The following ARCN1 variants were observed in gnomAD, a reference collection of about 807,000 sequenced individuals.
ARCN1 encodes the protein archain 1 coat protein complex I subunit delta, also known as coatomer subunit delta.
In ARCN1, 5 loss-of-function variants were observed where a neutral mutation model predicts 60.4. The observed-to-expected ratio is 0.08, with a 90% CI of 0.04 to 0.17. ARCN1 has a LOEUF of 0.17. Ranked by LOEUF, ARCN1 falls within the 10% of genes least tolerant of loss-of-function variation. The pLI is 1.00. For missense variants in ARCN1, 464 were observed against 626.5 expected, an observed-to-expected ratio of 0.74 and a Z score of 2.77; for synonymous variants, 224 against 220.0, an observed-to-expected ratio of 1.02 and a Z score of -0.16.
intron 6 of ARCN1, among the ~76,000 whole-genome samples, chr11:118,591,211 A>AATTTC (rs1372343717): frequency 6.6e-6 from 1 of 152,222 alleles, no homozygotes; most frequent in Non-Finnish European, 1.5e-5. Context: ...GTGTTCTTGT[A>AATTTC]ATTTCATTTC....
At chr11:118,592,615 T>C in intron 6 of ARCN1, 94 bp from the exon 7 acceptor site, 1 of 922,408 alleles carries the variant, frequency 1.1e-6, no homozygotes, top group Middle Eastern at 2.4e-4. Context: ...GGTACTCTAT[T>C]TTGGATGTTT....
At position 118,583,179 on chromosome 11, in the gene ARCN1, A is replaced by G; in HGVS notation, c.268A>G (p.Ile90Val). Reference sequence around the variant, plus strand: ...CTTTTTTATTGGTGTCCACGCTTAGATCCCTGAATATTGCCGAGCCTTAGA... The same window carrying G: ...CTTTTTTATTGGTGTCCACGCTTAGGTCCCTGAATATTGCCGAGCCTTAGA... ...LETLRLFSRV[I>V]PEYCRALEEN... The change falls in exon 3 of 10, where the codon ATC becomes GTC. Residue 90 changes from isoleucine to valine, a missense_variant and splice_region_variant. By Grantham distance (29) the Ile-to-Val change is conservative. Around this residue, in one of 2 missense-constraint regions of ARCN1, gnomAD observed 105 missense variants for 186.3 expected, o/e 0.56. Transcript: ENST00000264028. 1 of 1,614,050 alleles carries G rather than the reference A, an allele frequency of 6.2e-7. No homozygotes were observed. Among genetic ancestry groups the G allele is most frequent in the Non-Finnish European group, 8.5e-7 (1 of 1,179,982 alleles).
intron 6 of ARCN1, among the ~76,000 whole-genome samples, chr11:118,591,870 A>G (rs1938919577): frequency 6.6e-6 from 1 of 151,478 alleles, no homozygotes; most frequent in Admixed American, 6.6e-5. Flanking sequence ...TAGTAGCTGG[A>G]ACTATAGGTG....
rs190739114 is a variant in ARCN1, at chr11:118,599,154, G to A, written c.1446+1243G>A. Among the ~76,000 whole-genome samples the A allele has an allele frequency of 1.7e-3, 252 of 150,218 alleles. 4 individuals carry two copies. The highest frequency in any genetic ancestry group is 6.0e-3 in the African/African-American group (244 of 40,770). The stretch of plus-strand genomic sequence containing the variant: ...GTTGCCCAGGCTGGAGTGCAATGGC[G>A]TGATGTTGGTTCACTGCAACCTCTG... On this transcript the variant is annotated intron_variant, in intron 9 of 9. Transcript: ENST00000264028.
intron 8 of ARCN1, 69 bp from the exon 9 acceptor site, chr11:118,597,638 G>T: frequency 6.5e-7 from 1 of 1,549,720 alleles, no homozygotes; most frequent in East Asian, 2.3e-5. Flanking sequence ...TATCAAATTT[G>T]GGGTTGGTTT....
At chr11:118,597,292 T>C (rs948101468) in intron 8 of ARCN1, among the ~76,000 whole-genome samples, 3 of 152,220 alleles carry the variant, frequency 2.0e-5, no homozygotes, top group African/African-American at 7.2e-5. Context: ...CCCACTATTA[T>C]CAATCTGCTT....
At position 118,599,095 on chromosome 11, in the gene ARCN1, AT is replaced by A. The variant is rs565005021; in HGVS notation, c.1446+1198del. On this transcript the variant is annotated intron_variant, in intron 9 of 9. Transcript: ENST00000264028. The stretch of plus-strand genomic sequence containing the variant: ...AGGCGTGAACTACCACGCCTGGCGG[AT>A]TTTTTTTTTTTTTAAGACGGAGTTT... Among the ~76,000 whole-genome samples the A allele has an allele frequency of 4.1e-3, 480 of 116,884 alleles. 1 individual carries two copies. Among genetic ancestry groups the A allele is most frequent in the Middle Eastern group, 6.6e-3 (1 of 152 alleles). The allele number at this position is 116,884 out of a possible 152,430, so 76.7% of individuals were successfully genotyped here.
intron 9 of ARCN1, among the ~76,000 whole-genome samples, chr11:118,599,664 A>G (rs1939108991): frequency 1.3e-5 from 2 of 151,948 alleles, no homozygotes; most frequent in South Asian, 4.2e-4. Flanking sequence ...TCCTGACCTC[A>G]GATGATCCGC....
At chr11:118,591,295 G>A (rs992647199) in intron 6 of ARCN1, among the ~76,000 whole-genome samples, 5 of 152,210 alleles carry the variant, frequency 3.3e-5, no homozygotes, top group Admixed American at 1.3e-4. Flanking sequence ...CCCCACCGTA[G>A]TCAGCACAGA....
chr11:118,584,166 A>G lies in ARCN1; in HGVS notation c.653+152A>G, dbSNP rs994412032. 23 of 820,244 alleles carry G rather than the reference A, an allele frequency of 2.8e-5. No individual in the cohort carries two copies. In the East Asian group the frequency reaches 5.6e-4, roughly 20 times the overall value. 50.8% of individuals were successfully genotyped at this position (820,244 alleles called of 1,614,324 possible). A position where few individuals can be genotyped will look rare whatever the true frequency, so the allele number is the denominator to read the frequency against. The stretch of plus-strand genomic sequence containing the variant: ...ATTTGGCCACATACAATATGAGGAT[A>G]AAGAAGAAATCTGAATGTGGTGTTT... On this transcript the variant is annotated intron_variant, in intron 4 of 9. Coordinates refer to ENST00000264028, the MANE Select transcript of ARCN1 (RefSeq NM_001655.5).
At chr11:118,581,696 T>C (rs985300972) in intron 2 of ARCN1, among the ~76,000 whole-genome samples, 187 bp downstream of exon 2, 3 of 152,194 alleles carry the variant, frequency 2.0e-5, no homozygotes, top group African/African-American at 7.2e-5. Flanking sequence ...ACTATAGATG[T>C]CTCAAAAGAA....
At chr11:118,599,722 G>A (rs1444818276) in intron 9 of ARCN1, among the ~76,000 whole-genome samples, 1 of 152,160 alleles carries the variant, frequency 6.6e-6, no homozygotes, top group Admixed American at 6.5e-5. Context: ...GAGCTTCCAC[G>A]TCTGGCTGTT....
intron 8 of ARCN1, among the ~76,000 whole-genome samples, chr11:118,596,622 T>TAATATAAACATTGAGTGTC (rs1318796163): frequency 2.0e-5 from 3 of 152,224 alleles, no homozygotes; most frequent in African/African-American, 7.2e-5. Context: ...ACCCTATCCC[T>TAATATAAACATTGAGTGTC]AATATAAACA....
chr11:118,581,268 G>A lies in ARCN1; in HGVS notation c.26G>A (p.Cys9Tyr). The change falls in exon 2 of 10, where the codon TGC becomes TAC. Residue 9 changes from cysteine (C) to tyrosine (Y), a missense_variant. This residue lies in a region of ARCN1 where 105 missense variants were observed against 186.3 expected (regional missense o/e 0.56). Coordinates refer to ENST00000264028, the MANE Select transcript of ARCN1 (RefSeq NM_001655.5). ...CAGGTGCTGTTGGCAGCAGCGGTCT[G>A]CACAAAAGCAGGAAAGGCTATTGTT... Reference protein sequence around the residue: MVLLAAAVCTKAGKAIVSR... With the variant: MVLLAAAVYTKAGKAIVSR... The A allele has an allele frequency of 6.2e-7, 1 of 1,614,252 alleles. No individual in the cohort carries two copies. The highest frequency in any genetic ancestry group is 8.5e-7 in the Non-Finnish European group (1 of 1,180,040).
At chr11:118,572,613 G>T in intron 1 of ARCN1, 63 bp downstream of exon 1, 1 of 1,576,096 alleles carries the variant, frequency 6.3e-7, no homozygotes, top group East Asian at 2.4e-5. Context: ...CCTTGTCGGC[G>T]GGCCTGGGGC....
At chr11:118,587,460 T>C (rs1555075649) in intron 5 of ARCN1, among the ~76,000 whole-genome samples, 2 of 152,226 alleles carry the variant, frequency 1.3e-5, no homozygotes, top group African/African-American at 2.4e-5. Context: ...ATTTTGGAGA[T>C]AAGAATCTCC....
chr11:118,575,123 C>T (rs1275500710), intron 1 of ARCN1, among the ~76,000 whole-genome samples: 4 of 152,088 alleles, frequency 2.6e-5, no homozygotes, highest in Non-Finnish European at 4.4e-5. Context: ...GGACTGCAGG[C>T]GCCTGCCACC....
rs1555075168 is a variant in ARCN1, at chr11:118,584,534, T to C, written c.708T>C (p.Asp236=). 6.2e-7 allele frequency: 1 copy of C among 1,614,030 alleles called. No individual in the cohort carries two copies. Among genetic ancestry groups the C allele is most frequent in the East Asian group, 2.2e-5 (1 of 44,868 alleles). The change falls in exon 5 of 10, where the codon GAT becomes GAC. Residue 236 remains aspartate (D), a synonymous_variant. Coordinates refer to ENST00000264028, the MANE Select transcript of ARCN1 (RefSeq NM_001655.5). ...TTGGAGCCAAAGGAAAGGAAGTAGA[T>C]AACTTTGTGGACAAATTAAAATCTG... ...LKLGAKGKEV[D]NFVDKLKSEG...
chr11:118,588,006 G>A (rs1196280008), intron 5 of ARCN1, among the ~76,000 whole-genome samples: 2 of 152,208 alleles, frequency 1.3e-5, no homozygotes, highest in Admixed American at 1.3e-4. Context: ...AGGAGCTTCT[G>A]TCCCCAGGGA....
Sources: gnomAD v4.1 joint callset for allele counts (sites outside exome capture counted in the v4.1 genomes callset) on GRCh38, gnomAD v4.1.1 for gene constraint, gnomAD v4.1.1 regional missense constraint, MANE v1.5 for transcripts, NCBI Gene and HGNC (gene_info 2026-07-23, HGNC 2026-07-21) for gene names.